Variants in DUSP15 observed in about 807,000 individuals in gnomAD.
DUSP15 encodes dual specificity protein phosphatase 15.
In DUSP15, 23 loss-of-function variants were observed where a neutral mutation model predicts 26.3. The ratio of observed to expected loss-of-function variants is 0.87; its 90% CI spans 0.63 to 1.24. The LOEUF (loss-of-function observed/expected upper bound fraction) is 1.24, where lower values mean the gene tolerates loss of function less well. Ranked by LOEUF, DUSP15 falls within the 50% of genes most tolerant of loss-of-function variation. The pLI, the probability that DUSP15 is intolerant of heterozygous loss-of-function variation, is 0.00. For missense variants in DUSP15, 364 were observed against 320.6 expected, an observed-to-expected ratio of 1.14 and a Z score of -1.03; for synonymous variants, 143 against 135.5, an observed-to-expected ratio of 1.06 and a Z score of -0.39.
downstream of DUSP15, among the ~76,000 whole-genome samples, chr20:31,858,018 T>C (rs2062589484): frequency 2.0e-5 from 3 of 152,176 alleles, no homozygotes; most frequent in South Asian, 6.2e-4. This position sits in a 1 kb window ranked among gnomAD's most constrained non-coding sequence, Gnocchi z 4.4. Context: ...TAGAGAACAT[T>C]ACCCTCAGCC....
At chr20:31,859,859 T>C (rs779832689), downstream of DUSP15, among the ~76,000 whole-genome samples, 3 of 152,124 alleles carry the variant, frequency 2.0e-5, no homozygotes, top group Non-Finnish European at 4.4e-5. Flanking sequence ...CCCTGCACTC[T>C]GGTGAGTCCA....
chr20:31,849,780 C>T, exon 8 of DUSP15: 10 of 1,539,034 alleles, frequency 6.5e-6, no homozygotes, highest in Non-Finnish European at 7.8e-6. Context: ...CGCTCGGCGG[C>T]CGCCCGCGGA....
Position 31,863,947 on chromosome 20 carries a change from G to A in DUSP15, c.223C>T (p.His75Tyr). 6.2e-7 allele frequency: 1 copy of A among 1,614,056 alleles called. No individual in the cohort carries two copies. ...KHFKECINFI[H>Y]CCRLNGGNCL... ...TTCCCCCCATTAAGGCGGCAGCAGT[G>A]GATGAAGTTGATACATTCTTTGAAG... The change falls in exon 5 of 7, where the codon CAC becomes TAC. Residue 75 changes from histidine to tyrosine, a missense_variant. By Grantham distance (83) the His-to-Tyr change is moderately conservative (BLOSUM62 2). Coordinates refer to ENST00000339738, the MANE Select transcript of DUSP15 (RefSeq NM_080611.5).
downstream of DUSP15, chr20:31,845,739 G>C: frequency 3.1e-6 from 2 of 645,324 alleles, no homozygotes; most frequent in East Asian, 5.5e-5. Context: ...CAAAAGAGGC[G>C]GGCAGGAGAG....
intron 3 of DUSP15, among the ~76,000 whole-genome samples, chr20:31,865,264 A>G (rs182841600): frequency 1.3e-5 from 2 of 152,304 alleles, no homozygotes; most frequent in East Asian, 3.9e-4. Flanking sequence ...CCCTCCCAAC[A>G]GGGACCCAGG....
chr20:31,865,212 G>A lies in DUSP15; in HGVS notation c.139-210C>T, dbSNP rs147664014. On this transcript the variant is annotated intron_variant, in intron 3 of 6. Coordinates refer to ENST00000339738, the MANE Select transcript of DUSP15 (RefSeq NM_080611.5). ...TTCCTGAACCTTCTAAGCACATGGT[G>A]TCTCCTAACCCCATCAGCGGCGTGG... Among the ~76,000 whole-genome samples, 405 of 152,222 alleles carry A rather than the reference G, an allele frequency of 2.7e-3. 4 individuals are homozygous for A. Among genetic ancestry groups the A allele is most frequent in the African/African-American group, 9.5e-3 (394 of 41,522 alleles).
chr20:31,845,655 AGCCTG>A, downstream of DUSP15: 12 of 1,343,648 alleles, frequency 8.9e-6, no homozygotes, highest in Admixed American at 1.8e-4. Flanking sequence ...CCAGCCTCCC[AGCCTG>A]GAAAGGCAAA....
chr20:31,868,624 C>T (rs6061003), intron 2 of DUSP15, among the ~76,000 whole-genome samples: 86,245 of 151,642 alleles, frequency 0.57, 24,721 homozygotes, highest in Admixed American at 0.59. Flanking sequence ...GGATTACAGG[C>T]GCCTGCCATC....
intron 3 of DUSP15, among the ~76,000 whole-genome samples, chr20:31,865,845 G>A (rs1013371913): frequency 6.6e-6 from 1 of 152,182 alleles, no homozygotes; most frequent in African/African-American, 2.4e-5. Flanking sequence ...GCTGATGGAG[G>A]GGGGAAGGAG....
Position 31,848,905 on chromosome 20 carries a change from T to G in DUSP15, c.629-2A>C. ...GGTACTTTGGGTCCGGTGACCATCCTGCAGGTGGGCACACAATTATACGAC... is the reference window on the plus strand; with the variant it reads ...GGTACTTTGGGTCCGGTGACCATCCGGCAGGTGGGCACACAATTATACGAC... On this transcript the variant is annotated splice_acceptor_variant, in intron 8 of 9. Coordinates refer to the DUSP15 transcript ENST00000278979. LOFTEE classifies it high-confidence loss of function. 1 of 1,610,608 alleles carries G rather than the reference T, an allele frequency of 6.2e-7. No homozygotes were observed. Among genetic ancestry groups the G allele is most frequent in the Non-Finnish European group, 8.5e-7 (1 of 1,178,720 alleles).
chr20:31,858,418 C>T (rs1047637860), downstream of DUSP15, among the ~76,000 whole-genome samples: 2 of 152,188 alleles, frequency 1.3e-5, no homozygotes, highest in African/African-American at 4.8e-5. The surrounding 1 kb of genome is among the most constrained non-coding windows in gnomAD (Gnocchi z 4.4). Context: ...CTGGGGACTA[C>T]GGGCCACCTG....
Position 31,869,612 on chromosome 20 carries a change from G to C in DUSP15, c.22-15C>G. The C allele has an allele frequency of 1.2e-6, 2 of 1,613,636 alleles. No individual in the cohort carries two copies. Among genetic ancestry groups the C allele is most frequent in the Non-Finnish European group, 1.7e-6 (2 of 1,179,828 alleles). On this transcript the variant is annotated splice_polypyrimidine_tract_variant and intron_variant, in intron 1 of 6. Coordinates refer to ENST00000339738, the MANE Select transcript of DUSP15 (RefSeq NM_080611.5). ...CCAGGAAGTACCTAGAGGAAGGACA[G>C]GCAAGGGTCAGTGGGGCAGGGGCTG...
chr20:31,866,785 A>G (rs2062776160), intron 3 of DUSP15, among the ~76,000 whole-genome samples: 1 of 152,180 alleles, frequency 6.6e-6, no homozygotes, highest in South Asian at 2.1e-4. Context: ...GGAAGCCCAT[A>G]TGGGGGCCAT....
Position 31,870,478 on chromosome 20 carries a change from C to G in DUSP15, c.-141G>C, listed in dbSNP as rs991817055. 4.4e-6 allele frequency: 6 copies of G among 1,366,550 alleles called. No homozygotes were observed. The allele number at this position is 1,366,550 out of a possible 1,614,324, so 84.7% of individuals were successfully genotyped here. On this transcript the variant is annotated 5_prime_UTR_variant, in exon 1 of 7. Transcript: ENST00000339738. The surrounding 1 kb of genome is among the most constrained non-coding windows in gnomAD (Gnocchi z 6.6). ...CCTGGCGTCCGCGGCCCTGCCCAGC[C>G]CTGCCCAGCCACCGCCACCGCCCGC...
Position 31,850,071 on chromosome 20 carries a change from C to T in DUSP15, c.492-197G>A, listed in dbSNP as rs150895385. 9.8e-5 allele frequency among the ~76,000 whole-genome samples: 15 copies of T among 152,298 alleles called. No homozygotes were observed. The East Asian group carries it at 1.7e-3, about 18-fold the overall frequency. On this transcript the variant is annotated intron_variant, in intron 7 of 9. Coordinates refer to the DUSP15 transcript ENST00000278979. The stretch of plus-strand genomic sequence containing the variant: ...AGTAAACAATAGCTTCCAGTATAAA[C>T]GAACTGATAGTCGAGCTCTGCGGTT...
chr20:31,867,698 C>G (rs2062804157), intron 2 of DUSP15, among the ~76,000 whole-genome samples: 1 of 123,678 alleles, frequency 8.1e-6, no homozygotes, highest in South Asian at 2.8e-4. Context: ...AGGCTGGAGT[C>G]CAGTGGCGCG....
intron 7 of DUSP15, among the ~76,000 whole-genome samples, chr20:31,850,238 C>G (rs140104085): frequency 7.4e-4 from 112 of 152,320 alleles, no homozygotes; most frequent in African/African-American, 2.7e-3. Flanking sequence ...AGCAGCGTCT[C>G]ATGAGAAACC....
intron 9 of DUSP15, chr20:31,848,597 C>A: frequency 6.5e-7 from 1 of 1,533,002 alleles, no homozygotes. Flanking sequence ...TGAGCAGACC[C>A]TCTCCATTTC....
downstream of DUSP15, chr20:31,861,000 G>A: frequency 2.0e-6 from 2 of 1,020,868 alleles, no homozygotes; most frequent in Non-Finnish European, 2.3e-6. Context: ...GCTGGCCCCT[G>A]GCAGTCCTGC....
Sources: gnomAD v4.1 joint callset for allele counts (sites outside exome capture counted in the v4.1 genomes callset) on GRCh38, gnomAD v4.1.1 for gene constraint, Gnocchi (gnomAD v3.1) non-coding constraint, MANE v1.5 for transcripts, NCBI Gene and HGNC (gene_info 2026-07-23, HGNC 2026-07-21) for gene names.